Variants in HYDIN observed in about 807,000 individuals in gnomAD.
HYDIN encodes axonemal central pair apparatus protein HYDIN.
Under a neutral mutation model 403.9 loss-of-function variants are expected in HYDIN, and 132 were observed. That is an observed-to-expected ratio of 0.33 (90% confidence interval 0.28 to 0.38). HYDIN has a LOEUF of 0.38. Among genes scored for constraint, HYDIN ranks in the 10% least tolerant of loss-of-function variants. The pLI is 1.00. For synonymous variants in HYDIN, 1,202 were observed against 1,891.7 expected (o/e 0.64, Z 9.46); for missense variants, 2,827 against 5,009.5 (o/e 0.56, Z 13.15).
intron 1 of HYDIN, among the ~76,000 whole-genome samples, chr16:71,223,483 A>G (rs866295465): frequency 5.7e-4 from 87 of 152,214 alleles, no homozygotes; most frequent in Non-Finnish European, 2.5e-4. Flanking sequence ...ATGGGTCCTA[A>G]TTAAACTAAA....
intron 47 of HYDIN, among the ~76,000 whole-genome samples, chr16:70,911,685 G>A (rs542711960): frequency 1.3e-5 from 2 of 152,196 alleles, no homozygotes; most frequent in Admixed American, 1.3e-4. Flanking sequence ...CATTGAATTT[G>A]TAGATTGCTT....
At chr16:71,069,630 A>G (rs1891648561) in intron 13 of HYDIN, 128 bp from the exon 14 acceptor site, 2 of 632,700 alleles carry the variant, frequency 3.2e-6, no homozygotes, top group South Asian at 2.1e-5. Flanking sequence ...CTTAACTCCA[A>G]CTTGCCCTAA....
intron 8 of HYDIN, chr16:71,133,319 G>C (rs1314232184): frequency 2.2e-6 from 1 of 456,164 alleles, no homozygotes; most frequent in East Asian, 7.0e-5. Flanking sequence ...ACTCTAAACA[G>C]TTAGCAACTC....
At chr16:71,186,449 T>C (rs1023615462) in intron 2 of HYDIN, among the ~76,000 whole-genome samples, 1 of 152,196 alleles carries the variant, frequency 6.6e-6, no homozygotes, top group Non-Finnish European at 1.5e-5. Flanking sequence ...TTGACTGTTT[T>C]TGAACTAAAC....
chr16:71,228,604 T>A (rs1420170967), intron 1 of HYDIN, among the ~76,000 whole-genome samples: 1 of 152,108 alleles, frequency 6.6e-6, no homozygotes, highest in Non-Finnish European at 1.5e-5. Context: ...AAAACCACAA[T>A]AAGATACCAT....
intron 10 of HYDIN, among the ~76,000 whole-genome samples, chr16:71,101,822 T>G (rs1444295991): frequency 6.6e-6 from 1 of 152,168 alleles, no homozygotes; most frequent in Non-Finnish European, 1.5e-5. Flanking sequence ...CTGTATGTCC[T>G]GGAGTTGCCA....
intron 1 of HYDIN, among the ~76,000 whole-genome samples, chr16:71,211,172 C>T (rs898821526): frequency 2.6e-4 from 39 of 152,058 alleles, no homozygotes; most frequent in African/African-American, 9.4e-4. Context: ...TGGTGCTGAG[C>T]AGAAAAAGAG....
chr16:71,193,782 C>T (rs2087555633), intron 1 of HYDIN, among the ~76,000 whole-genome samples: 1 of 152,140 alleles, frequency 6.6e-6, no homozygotes, highest in South Asian at 2.1e-4. Context: ...CATACCCTCA[C>T]CCCCATCTCT....
At chr16:71,065,057 T>C (rs2082214955) in intron 15 of HYDIN, among the ~76,000 whole-genome samples, 1 of 152,252 alleles carries the variant, frequency 6.6e-6, no homozygotes, top group South Asian at 2.1e-4. Flanking sequence ...GCAGAACTCC[T>C]TGAAGAGCTG....
intron 83 of HYDIN, among the ~76,000 whole-genome samples, chr16:70,818,983 G>A (rs1406755369): frequency 2.0e-5 from 3 of 151,922 alleles, no homozygotes; most frequent in Non-Finnish European, 2.9e-5. Context: ...GGCATGACTC[G>A]GCTCACTGCA....
chr16:70,878,070 A>G (rs1346680445), intron 62 of HYDIN, among the ~76,000 whole-genome samples: 1 of 152,176 alleles, frequency 6.6e-6, no homozygotes, highest in Non-Finnish European at 1.5e-5. Context: ...TGTAGCTCCC[A>G]TAACTCCCAC....
chr16:71,225,583 G>A (rs2040998835), intron 1 of HYDIN, among the ~76,000 whole-genome samples: 1 of 152,120 alleles, frequency 6.6e-6, no homozygotes, highest in Admixed American at 6.5e-5. Context: ...GGAATCTCCT[G>A]CCATCATTTT....
intron 58 of HYDIN, among the ~76,000 whole-genome samples, chr16:70,888,691 C>T (rs2041293927): frequency 1.3e-5 from 2 of 152,064 alleles, no homozygotes; most frequent in Admixed American, 6.5e-5. Flanking sequence ...TGTTACCACC[C>T]ATGGGAATGA....
Position 70,964,800 on chromosome 16 carries a change from A to T in HYDIN, c.5716T>A (p.Phe1906Ile), listed in dbSNP as rs2078523253. The T allele has an allele frequency of 6.3e-7, 1 of 1,579,334 alleles. No homozygotes were observed. Among genetic ancestry groups the T allele is most frequent in the Non-Finnish European group, 8.7e-7 (1 of 1,148,446 alleles). ...TCTTTTGACTTCTTTATCTCTTTGAAGTACTCGTACAGTTCTGGGGGCAGC... is the reference window on the plus strand; with the variant it reads ...TCTTTTGACTTCTTTATCTCTTTGATGTACTCGTACAGTTCTGGGGGCAGC... The part of the protein sequence containing the change: ...EKLPPELYEY[F>I]KEIKKSKEEQ... The change falls in exon 37 of 86, where the codon TTC (phenylalanine) becomes ATC (isoleucine). Residue 1906 changes from phenylalanine (F) to isoleucine (I), a missense_variant. Physicochemically the swap from Phe to Ile is conservative, Grantham distance 21. Transcript: ENST00000393567.
chr16:70,850,888 C>T (rs1264221017), intron 73 of HYDIN, among the ~76,000 whole-genome samples: 1 of 152,122 alleles, frequency 6.6e-6, no homozygotes, highest in African/African-American at 2.4e-5. Context: ...CACACACCTA[C>T]AATCATCTGA....
intron 18 of HYDIN, among the ~76,000 whole-genome samples, chr16:71,043,048 C>T (rs954081423): frequency 2.6e-5 from 4 of 151,316 alleles, no homozygotes; most frequent in Admixed American, 1.3e-4. Flanking sequence ...ATTTTATCCC[C>T]AGATTTTGTT....
chr16:70,943,895 G>T lies in HYDIN; in HGVS notation c.6586C>A (p.Pro2196Thr). Residue 2196 changes from proline (P) to threonine (T), a missense_variant, in exon 42 of 86, where the codon CCC (proline) becomes ACC (threonine). Transcript: ENST00000393567. ...GPIHRWLSVS[P>T]SVGGETGLMS... ...AGCCCGGTCTCGCCTCCGACACTGGGACTAACACTGAGCCAGCGGTGGATG... is the reference window on the plus strand; with the variant it reads ...AGCCCGGTCTCGCCTCCGACACTGGTACTAACACTGAGCCAGCGGTGGATG... The T allele has an allele frequency of 6.2e-7, 1 of 1,613,690 alleles. No individual in the cohort carries two copies. Among genetic ancestry groups the T allele is most frequent in the South Asian group, 1.1e-5 (1 of 90,980 alleles).
At chr16:70,999,941 A>T (rs1474125797) in intron 23 of HYDIN, among the ~76,000 whole-genome samples, 1 of 152,156 alleles carries the variant, frequency 6.6e-6, no homozygotes, top group Non-Finnish European at 1.5e-5. Flanking sequence ...ACGCTCCAGA[A>T]GGTGTCCCCA....
chr16:71,073,211 A>T (rs1421045819), intron 13 of HYDIN, among the ~76,000 whole-genome samples: 1 of 152,096 alleles, frequency 6.6e-6, no homozygotes, highest in Non-Finnish European at 1.5e-5. Flanking sequence ...ACTGATTCTC[A>T]CACTCTCCCT....
Sources: gnomAD v4.1 joint callset for allele counts (sites outside exome capture counted in the v4.1 genomes callset) on GRCh38, gnomAD v4.1.1 for gene constraint, MANE v1.5 for transcripts, NCBI Gene and HGNC (gene_info 2026-07-23, HGNC 2026-07-21) for gene names.